NLRP7: variants seen among roughly 807,000 people sequenced by gnomAD.
NLRP7 encodes NLR family pyrin domain containing 7.
In NLRP7, 72 loss-of-function variants were observed where a neutral mutation model predicts 85.5. The ratio of observed to expected loss-of-function variants is 0.84; its 90% CI spans 0.70 to 1.02. NLRP7 has a LOEUF of 1.02. NLRP7 is among the 50% of genes least tolerant of loss of function. NLRP7 has a pLI of 0.00. For synonymous variants in NLRP7, 550 were observed against 505.2 expected, an observed-to-expected ratio of 1.09 and a Z score of -1.19; for missense variants, 1,243 against 1,219.5, an observed-to-expected ratio of 1.02 and a Z score of -0.29.
At chr19:54,954,001 C>G (rs547748589) in intron 1 of NLRP7, among the ~76,000 whole-genome samples, 32 of 150,768 alleles carry the variant, frequency 2.1e-4, no homozygotes, top group African/African-American at 7.5e-4. Flanking sequence ...AGCGAGACTC[C>G]GTCTCAAAAA....
rs104895519 is a variant in NLRP7, at chr19:54,942,177, A to G, written c.-39-427T>C. On this transcript the variant is annotated intron_variant, in intron 1 of 9. Transcript: ENST00000340844. Reference sequence around the variant, plus strand: ...AGGCTGAGGCAGGAGAATGGTGTGAACCCGGGAAGTGGAGCTTGCAGTGAG... The same window carrying G: ...AGGCTGAGGCAGGAGAATGGTGTGAGCCCGGGAAGTGGAGCTTGCAGTGAG... Among the ~76,000 whole-genome samples, 8,002 of 138,380 alleles carry G rather than the reference A, an allele frequency of 0.058. 335 individuals carry two copies. The highest frequency in any genetic ancestry group is 0.12 in the African/African-American group (4,587 of 37,374). 90.8% of individuals were successfully genotyped at this position (138,380 alleles called of 152,430 possible).
intron 1 of NLRP7, chr19:54,953,251 G>C (rs760493935): frequency 6.6e-6 from 1 of 152,110 alleles, no homozygotes; most frequent in African/African-American, 2.4e-5. Flanking sequence ...CAGGGGCATC[G>C]GCAAGACTCC....
At chr19:54,944,103 C>T (rs1312058421) in intron 1 of NLRP7, among the ~76,000 whole-genome samples, 2 of 152,010 alleles carry the variant, frequency 1.3e-5, no homozygotes, top group African/African-American at 2.4e-5. Flanking sequence ...GATAAGGCCT[C>T]GTGGGAAGGG....
rs747439315 is a variant in NLRP7, at chr19:54,933,635, C to T, written c.2576G>A (p.Gly859Glu). 6.8e-6 allele frequency: 11 copies of T among 1,614,168 alleles called. No homozygotes were observed. The Admixed American group carries it at 1.5e-4, about 22-fold the overall frequency. Residue 859 changes from glycine to glutamate, a missense_variant, in exon 8 of 10, where the codon GGG becomes GAG. Gly to Glu is a moderately conservative substitution (Grantham distance 98). This residue lies in a region of NLRP7 where 613 missense variants were observed against 588.4 expected (regional missense o/e 1.04). Coordinates refer to ENST00000340844, the Ensembl canonical transcript of NLRP7. Reference sequence around the variant, plus strand: ...ACACAGAAACTTCACCCCTGTATCCCCAATGGGGTTCTTGGCCAAGCACAG... The same window carrying T: ...ACACAGAAACTTCACCCCTGTATCCTCAATGGGGTTCTTGGCCAAGCACAG...
chr19:54,923,766 G>C, exon 10 of NLRP7: 1 of 1,613,666 alleles, frequency 6.2e-7, no homozygotes, highest in South Asian at 1.1e-5. Context: ...CAGCACGGAG[G>C]TGCCGTTGCC....
At chr19:54,949,954 T>C (rs2069615846), upstream of NLRP7, among the ~76,000 whole-genome samples, 1 of 151,910 alleles carries the variant, frequency 6.6e-6, no homozygotes, top group African/African-American at 2.4e-5. Flanking sequence ...AATAAAAAAT[T>C]AGCCAGGCGT....
chr19:54,955,549 G>A (rs2069823824), intron 1 of NLRP7, among the ~76,000 whole-genome samples: 1 of 152,098 alleles, frequency 6.6e-6, no homozygotes, highest in Non-Finnish European at 1.5e-5. Context: ...TGTAAGCCCA[G>A]CATGTTGGGA....
At chr19:54,927,711 G>A (rs1329131592) in intron 9 of NLRP7, 3 of 1,613,900 alleles carry the variant, frequency 1.9e-6, no homozygotes, top group Non-Finnish European at 1.7e-6. Context: ...TCAAGCTTCT[G>A]ATTGCTGAGG....
At chr19:54,939,325 C>A (rs1168533022) in exon 4 of NLRP7, 2 of 1,614,122 alleles carry the variant, frequency 1.2e-6, no homozygotes, top group Non-Finnish European at 1.7e-6. Context: ...TCTGTACGTC[C>A]CCGATGTCCC....
intron 9 of NLRP7, among the ~76,000 whole-genome samples, chr19:54,927,381 CAA>C (rs35405359): frequency 4.5e-4 from 62 of 138,728 alleles, no homozygotes; most frequent in East Asian, 4.1e-4. Flanking sequence ...AACTCCGTCT[CAA>C]AAAAAAAAAA....
intron 9 of NLRP7, among the ~76,000 whole-genome samples, chr19:54,924,478 G>T (rs1211987291): frequency 1.3e-5 from 2 of 151,992 alleles, no homozygotes; most frequent in Admixed American, 6.6e-5. Flanking sequence ...GAAAAAGTTA[G>T]CCAGGAATGG....
At chr19:54,953,668 C>A (rs1017137795) in intron 1 of NLRP7, among the ~76,000 whole-genome samples, 6 of 151,622 alleles carry the variant, frequency 4.0e-5, no homozygotes, top group Non-Finnish European at 7.4e-5. Context: ...GGAAATTGGG[C>A]ATAAGACAAT....
At chr19:54,941,851 G>T in intron 1 of NLRP7, 101 bp from the exon 2 acceptor site, 1 of 884,978 alleles carries the variant, frequency 1.1e-6, no homozygotes, top group Non-Finnish European at 1.7e-6. Context: ...TGTACAGTGA[G>T]TGGTAAAATA....
rs541434750 is a variant in NLRP7, at chr19:54,932,266, A to G, written c.2642+1303T>C. The stretch of plus-strand genomic sequence containing the variant: ...AACATGGTGAAACCTCATCTCCACT[A>G]AAAGTGCAAAAATTAGCCAGGCATG... On this transcript the variant is annotated intron_variant, in intron 8 of 9. Coordinates refer to ENST00000340844, the Ensembl canonical transcript of NLRP7. Among the ~76,000 whole-genome samples the G allele has an allele frequency of 3.3e-3, 503 of 152,124 alleles. 1 individual carries two copies. The highest frequency in any genetic ancestry group is 6.0e-3 in the Non-Finnish European group (409 of 68,002).
At chr19:54,950,244 G>A (rs1355131463), upstream of NLRP7, among the ~76,000 whole-genome samples, 1 of 152,070 alleles carries the variant, frequency 6.6e-6, no homozygotes, top group Non-Finnish European at 1.5e-5. Context: ...CTCCCCCTAC[G>A]CATCTCTTCC....
At chr19:54,945,592 ATTTTTTTC>A (rs752090623) in intron 1 of NLRP7, among the ~76,000 whole-genome samples, 6 of 150,026 alleles carry the variant, frequency 4.0e-5, no homozygotes, top group African/African-American at 7.4e-5. Flanking sequence ...TCCCAAGTAC[ATTTTTTTC>A]TTTTTTTCTT....
Position 54,934,692 on chromosome 19 carries a change from G to A in NLRP7, c.2301-33C>T. 6.3e-7 allele frequency: 1 copy of A among 1,587,222 alleles called. No individual in the cohort carries two copies. The highest frequency in any genetic ancestry group is 8.6e-7 in the Non-Finnish European group (1 of 1,163,236). On this transcript the variant is annotated intron_variant, in intron 6 of 9. Coordinates refer to ENST00000340844, the Ensembl canonical transcript of NLRP7. The surrounding 1 kb of genome is among the most constrained non-coding windows in gnomAD (Gnocchi z 6.7). Reference sequence around the variant, plus strand: ...AAGAGTGGGAAAAGTCATTCTTCTGGGAGGACAGAGTATACCCTATCAGCT... The same window carrying A: ...AAGAGTGGGAAAAGTCATTCTTCTGAGAGGACAGAGTATACCCTATCAGCT...
rs530966853 is a variant in NLRP7, at chr19:54,932,094, A to G, written c.2643-1428T>C. ...TAGTGTGATGTTTTGGTGCAGGTAC[A>G]CTTCGTATAACGATCAGGTAGGTGA... On this transcript the variant is annotated intron_variant, in intron 8 of 9. Coordinates refer to ENST00000340844, the Ensembl canonical transcript of NLRP7. 2.0e-5 allele frequency among the ~76,000 whole-genome samples: 3 copies of G among 152,236 alleles called. No individual in the cohort carries two copies. The South Asian group carries it at 6.2e-4, about 32-fold the overall frequency.
chr19:54,960,419 G>C (rs779306114), intron 1 of NLRP7, among the ~76,000 whole-genome samples: 1 of 151,456 alleles, frequency 6.6e-6, no homozygotes, highest in Non-Finnish European at 1.5e-5. Context: ...GCCTCCCAAA[G>C]TGCTGGGATT....
Sources: gnomAD v4.1 joint callset for allele counts (sites outside exome capture counted in the v4.1 genomes callset) on GRCh38, gnomAD v4.1.1 for gene constraint, gnomAD v4.1.1 regional missense constraint, Gnocchi (gnomAD v3.1) non-coding constraint, MANE v1.5 for transcripts, NCBI Gene and HGNC (gene_info 2026-07-23, HGNC 2026-07-21) for gene names.